SOX6: variants seen among roughly 807,000 people sequenced by gnomAD.
SOX6 encodes SRY-box transcription factor 6, also known as transcription factor SOX-6.
In SOX6, 11 loss-of-function variants were observed where a neutral mutation model predicts 97.8. That is an observed-to-expected ratio of 0.11 (90% CI 0.07 to 0.19). The LOEUF (loss-of-function observed/expected upper bound fraction) is 0.19, where lower values mean the gene tolerates loss of function less well. Ranked by LOEUF, SOX6 falls within the 10% of genes least tolerant of loss-of-function variation. The pLI, the probability that SOX6 is intolerant of heterozygous loss-of-function variation, is 1.00. For synonymous variants in SOX6, 360 were observed against 371.4 expected (o/e 0.97, Z 0.35); for missense variants, 810 against 1,039.5 (o/e 0.78, Z 3.04).
At chr11:16,119,541 G>A (rs1849437672) in intron 6 of SOX6, among the ~76,000 whole-genome samples, 1 of 152,156 alleles carries the variant, frequency 6.6e-6, no homozygotes, top group Non-Finnish European at 1.5e-5. Context: ...CAGCAAGTAA[G>A]TTGACTGTCC....
chr11:15,989,291 A>G lies in SOX6; in HGVS notation c.1733-61T>C. The G allele has an allele frequency of 3.5e-6, 5 of 1,415,126 alleles. No individual in the cohort carries two copies. In the Admixed American group the frequency reaches 1.1e-4, roughly 31 times the overall value. The allele number at this position is 1,415,126 out of a possible 1,614,324, so 87.7% of individuals were successfully genotyped here. ...AAAGCGTTATTTTGTGGATAATGTC[A>G]CACAGCTTGCCGCCTGGGTCAGCTG... is the stretch of plus-strand genomic sequence containing the variant. On this transcript the variant is annotated intron_variant, in intron 13 of 15. Coordinates refer to ENST00000683767, the MANE Select transcript of SOX6 (RefSeq NM_001367873.1).
chr11:16,595,603 C>CAAAAAA, intron 4 of SOX6, among the ~76,000 whole-genome samples: 1 of 113,872 alleles, frequency 8.8e-6, no homozygotes, highest in Non-Finnish European at 1.8e-5. Context: ...CCACCTCTAC[C>CAAAAAA]AAAAAAAAAA....
intron 6 of SOX6, among the ~76,000 whole-genome samples, chr11:16,169,757 T>C (rs1850982168): frequency 1.3e-5 from 2 of 152,048 alleles, no homozygotes; most frequent in African/African-American, 4.8e-5. Context: ...ACAGAAAAGA[T>C]CCAAAGTATA....
At chr11:16,332,166 A>T (rs1469606141) in intron 2 of SOX6, among the ~76,000 whole-genome samples, 3 of 152,178 alleles carry the variant, frequency 2.0e-5, no homozygotes, top group Non-Finnish European at 4.4e-5. Context: ...CAGGTATGAA[A>T]TAAATTAATA....
At chr11:16,099,623 A>G (rs969351179) in intron 7 of SOX6, among the ~76,000 whole-genome samples, 1 of 151,552 alleles carries the variant, frequency 6.6e-6, no homozygotes, top group Non-Finnish European at 1.5e-5. Context: ...CATGTCAAAC[A>G]TATTTTAAAA....
intron 4 of SOX6, among the ~76,000 whole-genome samples, chr11:16,582,773 G>C (rs1174502715): frequency 6.6e-6 from 1 of 152,022 alleles, no homozygotes; most frequent in Non-Finnish European, 1.5e-5. Flanking sequence ...AGAAAGAATA[G>C]AAAATATGAA....
intron 12 of SOX6, among the ~76,000 whole-genome samples, chr11:16,044,106 G>C (rs1855756935): frequency 6.6e-6 from 1 of 152,088 alleles, no homozygotes; most frequent in South Asian, 2.1e-4. Context: ...ATGCTGTACA[G>C]GCTTTTGTCT....
intron 3 of SOX6, among the ~76,000 whole-genome samples, chr11:16,250,216 T>C (rs1018902059): frequency 1.3e-5 from 2 of 152,176 alleles, no homozygotes; most frequent in African/African-American, 4.8e-5. Context: ...ATCTATACTG[T>C]GCTCTCCTTA....
intron 9 of SOX6, among the ~76,000 whole-genome samples, chr11:16,073,525 A>C (rs577892561): frequency 6.6e-6 from 1 of 152,266 alleles, no homozygotes; most frequent in East Asian, 1.9e-4. Context: ...ACAGTATTAG[A>C]CAGCTCATCG....
intron 1 of SOX6, among the ~76,000 whole-genome samples, chr11:16,373,271 G>A (rs1052866973): frequency 6.6e-6 from 1 of 152,000 alleles, no homozygotes; most frequent in Non-Finnish European, 1.5e-5. Context: ...AGTTCTATAT[G>A]TCTACAAAAT....
chr11:16,357,751 G>A (rs76989591), upstream of SOX6, among the ~76,000 whole-genome samples: 23 of 152,136 alleles, frequency 1.5e-4, no homozygotes, highest in East Asian at 4.4e-3. Flanking sequence ...AAAATAATAC[G>A]GATTCTTTTA....
intron 1 of SOX6, among the ~76,000 whole-genome samples, chr11:16,388,115 T>C (rs961723287): frequency 6.6e-6 from 1 of 152,182 alleles, no homozygotes; most frequent in African/African-American, 2.4e-5. Context: ...AGTTTTATTA[T>C]ATTCCTAGAT....
At chr11:16,022,846 G>A (rs1343713640) in intron 12 of SOX6, among the ~76,000 whole-genome samples, 1 of 152,068 alleles carries the variant, frequency 6.6e-6, no homozygotes, top group African/African-American at 2.4e-5. Context: ...TGTATGATAA[G>A]AACCAAACTT....
intron 6 of SOX6, among the ~76,000 whole-genome samples, chr11:16,173,400 G>C (rs1851093897): frequency 6.6e-6 from 1 of 151,746 alleles, no homozygotes; most frequent in Admixed American, 6.6e-5. Flanking sequence ...TCTATGTTTA[G>C]GACCTTGGCC....
intron 4 of SOX6, among the ~76,000 whole-genome samples, chr11:16,590,727 A>G (rs1305878384): frequency 3.3e-5 from 5 of 152,086 alleles, no homozygotes; most frequent in African/African-American, 1.2e-4. Flanking sequence ...TATCACTTAC[A>G]TGTGAGAGCT....
chr11:16,093,055 C>T (rs1053817332), intron 9 of SOX6, among the ~76,000 whole-genome samples: 27 of 151,966 alleles, frequency 1.8e-4, no homozygotes, highest in African/African-American at 6.5e-4. Flanking sequence ...GAAATTTATA[C>T]GGGTGAGAGA....
At chr11:16,181,326 T>C (rs976465552) in intron 6 of SOX6, among the ~76,000 whole-genome samples, 3 of 151,756 alleles carry the variant, frequency 2.0e-5, no homozygotes, top group South Asian at 2.1e-4. Context: ...TCATTTTTAA[T>C]ATATTTAATA....
At chr11:16,267,893 A>G (rs1278907175) in intron 3 of SOX6, among the ~76,000 whole-genome samples, 10 of 151,548 alleles carry the variant, frequency 6.6e-5, no homozygotes, top group Non-Finnish European at 4.4e-5. Context: ...TGTCATTTGC[A>G]ATAACATGGA....
At chr11:16,044,954 A>ATCTG (rs1336462513) in intron 12 of SOX6, among the ~76,000 whole-genome samples, 1 of 140,688 alleles carries the variant, frequency 7.1e-6, no homozygotes. Flanking sequence ...CTATCTATCT[A>ATCTG]TCTGTCTATC....
Sources: allele counts gnomAD v4.1 joint callset (sites outside exome capture counted in the v4.1 genomes callset), GRCh38; gene constraint gnomAD v4.1.1; transcripts MANE v1.5; gene names NCBI Gene and HGNC (gene_info 2026-07-23, HGNC 2026-07-21).